Variants in ZNF391 observed in about 807,000 individuals in gnomAD.
The protein encoded by ZNF391 is zinc finger protein 391.
For synonymous variants in ZNF391, 126 were observed against 142.1 expected, an observed-to-expected ratio of 0.89 and a Z score of 0.80; for missense variants, 375 against 425.5, an observed-to-expected ratio of 0.88 and a Z score of 1.04.
At chr6:27,379,062 C>T (rs1761459440) in intron 1 of ZNF391, among the ~76,000 whole-genome samples, 1 of 152,180 alleles carries the variant, frequency 6.6e-6, no homozygotes, top group African/African-American at 2.4e-5. Context: ...CAAATGAAAA[C>T]CAGCATTACT....
chr6:27,395,360 G>T (rs1052431974), intron 1 of ZNF391, among the ~76,000 whole-genome samples: 3 of 151,542 alleles, frequency 2.0e-5, no homozygotes, highest in African/African-American at 7.3e-5. Context: ...GTAAAAGCGT[G>T]TCATCTCCCT....
At chr6:27,383,948 G>T (rs1303149690), upstream of ZNF391, among the ~76,000 whole-genome samples, 1 of 152,156 alleles carries the variant, frequency 6.6e-6, no homozygotes, top group African/African-American at 2.4e-5. Flanking sequence ...CAAGAAGAGA[G>T]TGGAGTGAAA....
At chr6:27,384,870 T>G (rs1349081159), upstream of ZNF391, among the ~76,000 whole-genome samples, 1 of 151,938 alleles carries the variant, frequency 6.6e-6, no homozygotes. Context: ...GTACAAAAAT[T>G]AGCCGGGCAT....
At chr6:27,398,227 T>C (rs779137890) in intron 1 of ZNF391, among the ~76,000 whole-genome samples, 1 of 152,152 alleles carries the variant, frequency 6.6e-6, no homozygotes, top group Non-Finnish European at 1.5e-5. Context: ...GCAGAAATAT[T>C]TGGGGAACTG....
At chr6:27,394,443 A>T (rs565962994) in intron 1 of ZNF391, among the ~76,000 whole-genome samples, 1 of 152,348 alleles carries the variant, frequency 6.6e-6, no homozygotes, top group African/African-American at 2.4e-5. Flanking sequence ...AAGCCTGTGG[A>T]TATGCACAGT....
chr6:27,395,140 T>C (rs2113655126), intron 1 of ZNF391: 1 of 151,968 alleles, frequency 6.6e-6, no homozygotes, highest in South Asian at 2.1e-4. Context: ...AAAATACTGA[T>C]TGTATTTTGC....
chr6:27,384,478 AAAAAAGAG>A (rs750307550), upstream of ZNF391, among the ~76,000 whole-genome samples: 10 of 71,344 alleles, frequency 1.4e-4, no homozygotes, highest in South Asian at 5.2e-4. Context: ...AAAAAAAAAA[AAAAAAGAG>A]AGAGAGAGAG....
At chr6:27,389,602 G>A in intron 1 of ZNF391, 1 of 372,450 alleles carries the variant, frequency 2.7e-6, no homozygotes, top group South Asian at 2.1e-5. Flanking sequence ...ACCTGAGGTC[G>A]AGACCAGCCT....
chr6:27,390,943 G>A (rs996202561), intron 1 of ZNF391: 6 of 152,190 alleles, frequency 3.9e-5, no homozygotes, highest in African/African-American at 1.2e-4. Context: ...AAGTGCAGCT[G>A]TAAGCAGTGT....
intron 1 of ZNF391, among the ~76,000 whole-genome samples, chr6:27,394,708 G>A (rs1761787417): frequency 6.6e-6 from 1 of 152,224 alleles, no homozygotes; most frequent in Admixed American, 6.5e-5. Flanking sequence ...CTTAGACTCT[G>A]TGCTTGGAAA....
intron 1 of ZNF391, among the ~76,000 whole-genome samples, chr6:27,397,521 C>T (rs1343249566): frequency 6.6e-6 from 1 of 152,092 alleles, no homozygotes; most frequent in African/African-American, 2.4e-5. Flanking sequence ...TAAACCATAT[C>T]AAATAACAAT....
rs1247251612 is a variant in ZNF391 at position 27,400,702 on chromosome 6, G to A, written c.332G>A (p.Cys111Tyr). 3 of 1,613,672 alleles carry A rather than the reference G, an allele frequency of 1.9e-6. No individual in the cohort carries two copies. The highest frequency in any genetic ancestry group is 3.3e-5 in the Admixed American group (2 of 59,882). Residue 111 changes from cysteine (C) to tyrosine (Y), a missense_variant, in exon 3 of 3, where the codon TGC becomes TAC. Transcript: ENST00000244576. ...TTCTCACAAAGAAAACCTTGTAAAT[G>A]CAATGAATGTGAAAAAGCCTTTAGT... ...RLFSQRKPCKCNECEKAFSYQ... is the reference protein window; with the variant it reads ...RLFSQRKPCKYNECEKAFSYQ...
At chr6:27,377,195 T>C (rs987255866) in intron 1 of ZNF391, among the ~76,000 whole-genome samples, 6 of 152,154 alleles carry the variant, frequency 3.9e-5, no homozygotes, top group Admixed American at 2.0e-4. Flanking sequence ...TAGAAAATCA[T>C]TGTCAAATAA....
chr6:27,401,455 G>T lies in ZNF391; in HGVS notation c.*8G>T. Reference sequence around the variant, plus strand: ...CTTCATACTAAAGAGTAATATCTGAGCTTTTATTAATGTTAGCATAAGAAC... The same window carrying T: ...CTTCATACTAAAGAGTAATATCTGATCTTTTATTAATGTTAGCATAAGAAC... On this transcript the variant is annotated 3_prime_UTR_variant, in exon 3 of 3. Coordinates refer to ENST00000244576, the MANE Select transcript of ZNF391 (RefSeq NM_001076781.3). The T allele has an allele frequency of 6.3e-7, 1 of 1,585,570 alleles. No homozygotes were observed.
chr6:27,392,501 C>G (rs554405167), intron 1 of ZNF391, among the ~76,000 whole-genome samples: 3 of 152,184 alleles, frequency 2.0e-5, no homozygotes, highest in Non-Finnish European at 4.4e-5. Flanking sequence ...ATCTGCCTAC[C>G]TCGGCCTCCC....
intron 1 of ZNF391, among the ~76,000 whole-genome samples, chr6:27,398,797 T>C (rs1437559090): frequency 3.9e-5 from 6 of 151,982 alleles, no homozygotes; most frequent in Admixed American, 6.6e-5. Flanking sequence ...AGGCGGAGCT[T>C]GCAGTGAGCC....
intron 1 of ZNF391, among the ~76,000 whole-genome samples, chr6:27,377,799 AT>A (rs570026452): frequency 3.3e-4 from 50 of 152,288 alleles, no homozygotes; most frequent in Admixed American, 5.2e-4. Context: ...CCTGTCTCAG[AT>A]TTTCTGGGTT....
At chr6:27,383,460 A>G (rs6920362) in intron 1 of ZNF391, among the ~76,000 whole-genome samples, 107,080 of 151,974 alleles carry the variant, frequency 0.7, 37,985 homozygotes, top group Middle Eastern at 0.8. Flanking sequence ...AAATTCTCAT[A>G]GACAAGGTGC....
At chr6:27,394,271 A>C (rs1240884895) in intron 1 of ZNF391, among the ~76,000 whole-genome samples, 1 of 152,240 alleles carries the variant, frequency 6.6e-6, no homozygotes, top group Non-Finnish European at 1.5e-5. Flanking sequence ...TAAGGATTTC[A>C]GAGCCAGATC....
Sources: gnomAD v4.1 joint callset for allele counts (sites outside exome capture counted in the v4.1 genomes callset) on GRCh38, gnomAD v4.1.1 for gene constraint, MANE v1.5 for transcripts, NCBI Gene and HGNC (gene_info 2026-07-23, HGNC 2026-07-21) for gene names.